The following PKD2 variants were observed in gnomAD, a reference collection of about 807,000 sequenced individuals.
PKD2 encodes the protein polycystin 2, transient receptor potential cation channel, also known as polycystin-2.
In PKD2, 48 loss-of-function variants were observed where a neutral mutation model predicts 105.9. The observed-to-expected ratio is 0.45, with a 90% CI of 0.36 to 0.58. The LOEUF (loss-of-function observed/expected upper bound fraction) is 0.58. Among genes scored for constraint, PKD2 ranks in the 20% least tolerant of loss-of-function variants. The probability of loss-of-function intolerance (pLI) is 0.00; values close to 1 mark genes in which losing one functional copy is unlikely to be tolerated. For synonymous variants in PKD2, 464 were observed against 481.1 expected, an observed-to-expected ratio of 0.96 and a Z score of 0.46; for missense variants, 1,078 against 1,255.3, an observed-to-expected ratio of 0.86 and a Z score of 2.13.
In PKD2 at chr4:88,028,123, C is replaced by T. The variant is rs11943680; in HGVS notation, c.710-8097C>T. On this transcript the variant is annotated intron_variant, in intron 2 of 14. Transcript: ENST00000237596. The stretch of plus-strand genomic sequence containing the variant: ...GTGTATGTACTAGGACAGGAAGAGC[C>T]CTTTTAAGAAGAGATCTATGTATTT... Among the ~76,000 whole-genome samples, 371 of 152,128 alleles carry T rather than the reference C, an allele frequency of 2.4e-3. 3 individuals are homozygous for T. The highest frequency in any genetic ancestry group is 8.6e-3 in the African/African-American group (356 of 41,474).
chr4:88,066,480 G>C (rs751108719), intron 12 of PKD2, among the ~76,000 whole-genome samples: 12 of 150,912 alleles, frequency 8.0e-5, no homozygotes, highest in Non-Finnish European at 1.8e-4. Context: ...TCTTGCCTCA[G>C]CCTCCCAAGT....
At chr4:88,010,664 T>TA (rs1007077864) in intron 1 of PKD2, among the ~76,000 whole-genome samples, 3 of 152,220 alleles carry the variant, frequency 2.0e-5, no homozygotes, top group African/African-American at 7.2e-5. Context: ...TGACTTTGTA[T>TA]AGCTCCCTCA....
chr4:88,073,188 TAAAAAA>T (rs370425542), intron 13 of PKD2, among the ~76,000 whole-genome samples: 4 of 115,924 alleles, frequency 3.5e-5, no homozygotes, highest in African/African-American at 1.3e-4. Flanking sequence ...TTGTCTCTAT[TAAAAAA>T]AAAAAAAAAA....
intron 3 of PKD2, 99 bp downstream of exon 3, chr4:88,036,452 A>G (rs1421333155): frequency 1.9e-6 from 3 of 1,578,934 alleles, no homozygotes; most frequent in African/African-American, 2.7e-5. Flanking sequence ...CCTGCTTTGC[A>G]TTTAACACTG....
chr4:88,051,163 A>G (rs1014357691), intron 6 of PKD2, among the ~76,000 whole-genome samples: 12 of 152,034 alleles, frequency 7.9e-5, no homozygotes, highest in African/African-American at 2.9e-4. Context: ...ATATGTGGAA[A>G]GTTGTAGGGT....
At chr4:88,024,457 G>GAAAAAAA (rs552942631) in intron 2 of PKD2, among the ~76,000 whole-genome samples, 37 of 50,370 alleles carry the variant, frequency 7.3e-4, no homozygotes, top group African/African-American at 2.3e-3. Flanking sequence ...ACTCTGTCTC[G>GAAAAAAA]AAAAAAAAAA....
Position 88,075,845 on chromosome 4 carries a change from A to G in PKD2, c.*151A>G. 5 of 717,180 alleles carry G rather than the reference A, an allele frequency of 7.0e-6. No individual in the cohort carries two copies. Among genetic ancestry groups the G allele is most frequent in the Admixed American group, 2.1e-5 (1 of 48,498 alleles). 44.4% of individuals were successfully genotyped at this position (717,180 alleles called of 1,614,324 possible). A position where few individuals can be genotyped will look rare whatever the true frequency, so the allele number is the denominator to read the frequency against. On this transcript the variant is annotated 3_prime_UTR_variant, in exon 15 of 15. Coordinates refer to ENST00000237596, the MANE Select transcript of PKD2 (RefSeq NM_000297.4). ...TCTTCTGCACTTTAATTTATTTTATATAAACTTTACCCATGGTTCAAAGAT... is the reference window on the plus strand; with the variant it reads ...TCTTCTGCACTTTAATTTATTTTATGTAAACTTTACCCATGGTTCAAAGAT...
intron 13 of PKD2, among the ~76,000 whole-genome samples, chr4:88,070,860 C>G (rs1272340062): frequency 6.6e-6 from 1 of 151,994 alleles, no homozygotes; most frequent in Non-Finnish European, 1.5e-5. Context: ...GTCTCAAACT[C>G]CCGGCCTCAA....
intron 14 of PKD2, 142 bp downstream of exon 14, chr4:88,075,101 T>A: frequency 1.1e-6 from 1 of 886,196 alleles, no homozygotes; most frequent in Non-Finnish European, 1.7e-6. Context: ...TGTTTCCATT[T>A]ACTCTCATTT....
At chr4:88,063,029 C>G (rs1392304138) in intron 10 of PKD2, among the ~76,000 whole-genome samples, 1 of 152,182 alleles carries the variant, frequency 6.6e-6, no homozygotes, top group East Asian at 1.9e-4. Context: ...AGTAACAGCA[C>G]AAAGTACAAA....
intron 1 of PKD2, among the ~76,000 whole-genome samples, chr4:88,013,401 T>C (rs997413311): frequency 6.6e-6 from 1 of 152,116 alleles, no homozygotes; most frequent in South Asian, 2.1e-4. Flanking sequence ...GTCCCAGATA[T>C]GGGAGGATTC....
intron 8 of PKD2, among the ~76,000 whole-genome samples, chr4:88,056,982 G>GTT (rs140442909): frequency 2.7e-5 from 4 of 150,358 alleles, no homozygotes; most frequent in African/African-American, 9.8e-5. Flanking sequence ...TTTTTGTTTT[G>GTT]TTTTTTTTTG....
chr4:88,060,466 C>T, intron 9 of PKD2, among the ~76,000 whole-genome samples: 2 of 140,670 alleles, frequency 1.4e-5, no homozygotes, highest in African/African-American at 5.4e-5. Context: ...ATCATATATA[C>T]TGTATAATAC....
In PKD2 at chr4:88,052,253, A is replaced by C. The variant is rs1720132748; in HGVS notation, c.1716+95A>C. The stretch of plus-strand genomic sequence containing the variant: ...CATGGAATACTTGAATTTGAAATTC[A>C]AGTGACCAGCCAAAGCTGCTCAATA... On this transcript the variant is annotated intron_variant, in intron 7 of 14. Transcript: ENST00000237596. The C allele has an allele frequency of 6.4e-5, 53 of 826,510 alleles. 3 individuals carry two copies. The South Asian group carries it at 7.3e-4, about 11-fold the overall frequency. The allele number at this position is 826,510 out of a possible 1,614,324, so 51.2% of individuals were successfully genotyped here.
intron 4 of PKD2, among the ~76,000 whole-genome samples, chr4:88,039,040 C>T (rs1316822549): frequency 6.6e-6 from 1 of 152,174 alleles, no homozygotes; most frequent in Non-Finnish European, 1.5e-5. Flanking sequence ...CACTTTGGTA[C>T]TCCTACTTCA....
chr4:88,045,581 C>G (rs1727736463), intron 5 of PKD2, among the ~76,000 whole-genome samples: 1 of 152,160 alleles, frequency 6.6e-6, no homozygotes, highest in Non-Finnish European at 1.5e-5. Context: ...GCTAGAGATT[C>G]TATTTCTAGT....
At chr4:88,015,723 A>G (rs1169161994) in intron 1 of PKD2, among the ~76,000 whole-genome samples, 1 of 152,202 alleles carries the variant, frequency 6.6e-6, no homozygotes, top group African/African-American at 2.4e-5. Context: ...TGCCCAGCCA[A>G]TAAAAAGTTT....
intron 12 of PKD2, among the ~76,000 whole-genome samples, chr4:88,066,369 T>TC (rs1560627128): frequency 7.8e-6 from 1 of 128,604 alleles, no homozygotes; most frequent in Non-Finnish European, 1.8e-5. Context: ...TTTTCTTTTT[T>TC]TTTTTTTTTT....
At position 88,063,680 on chromosome 4, in the gene PKD2, G is replaced by A. The variant is rs554013909; in HGVS notation, c.2118+1676G>A. Among the ~76,000 whole-genome samples the A allele has an allele frequency of 2.1e-4, 32 of 152,334 alleles. No homozygotes were observed. In the South Asian group the frequency reaches 6.6e-3, roughly 32 times the overall value. On this transcript the variant is annotated intron_variant, in intron 10 of 14. Transcript: ENST00000237596. The stretch of plus-strand genomic sequence containing the variant: ...AAGAAGAAATAGGAGTGTTGACACT[G>A]CGATCATTCAAGAGATCCAGATATG...
Sources: allele counts gnomAD v4.1 joint callset (sites outside exome capture counted in the v4.1 genomes callset), GRCh38; gene constraint gnomAD v4.1.1; transcripts MANE v1.5; gene names NCBI Gene and HGNC (gene_info 2026-07-23, HGNC 2026-07-21).